REC114: variants seen among roughly 807,000 people sequenced by gnomAD.
REC114 encodes REC114 meiotic recombination protein, also known as meiotic recombination protein REC114.
In REC114, 27 loss-of-function variants were observed where a neutral mutation model predicts 31.3. The ratio of observed to expected loss-of-function variants is 0.86; its 90% CI spans 0.64 to 1.19. REC114 has a LOEUF of 1.19. Among genes scored for constraint, REC114 ranks in the 50% most tolerant of loss-of-function variants. The probability of loss-of-function intolerance (pLI) is 0.00; values close to 1 mark genes in which losing one functional copy is unlikely to be tolerated. For missense variants in REC114, 344 were observed against 326.9 expected (o/e 1.05, Z -0.40); for synonymous variants, 134 against 127.7 (o/e 1.05, Z -0.33).
chr15:73,540,378 G>C, intron 2 of REC114, 107 bp from the exon 3 acceptor site: 1 of 849,836 alleles, frequency 1.2e-6, no homozygotes, highest in Non-Finnish European at 2.0e-6. Flanking sequence ...CTATGTTTGA[G>C]TTACACAATA....
rs539580891 is a variant in REC114, at chr15:73,477,932, C to T, written c.249+4011C>T. Among the ~76,000 whole-genome samples, 3 of 152,068 alleles carry T rather than the reference C, an allele frequency of 2.0e-5. No individual in the cohort carries two copies. The East Asian group carries it at 5.8e-4, about 29-fold the overall frequency. ...GATCTTAGGCAATTTACTTCTGGAA[C>T]CATTGAATTAATTTTAATATATGGT... is the stretch of plus-strand genomic sequence containing the variant. On this transcript the variant is annotated intron_variant, in intron 2 of 5. Coordinates refer to ENST00000331090, the MANE Select transcript of REC114 (RefSeq NM_001042367.2).
intron 2 of REC114, among the ~76,000 whole-genome samples, chr15:73,494,222 T>A (rs1893484896): frequency 6.6e-6 from 1 of 152,194 alleles, no homozygotes; most frequent in Admixed American, 6.5e-5. Flanking sequence ...ATTTTCATTT[T>A]GATAAGATGA....
At chr15:73,485,902 A>G (rs1893358472) in intron 2 of REC114, among the ~76,000 whole-genome samples, 1 of 152,178 alleles carries the variant, frequency 6.6e-6, no homozygotes, top group African/African-American at 2.4e-5. Context: ...ACTGTGATCA[A>G]TTTAATTCCA....
At chr15:73,489,810 A>G (rs1893420774) in intron 2 of REC114, among the ~76,000 whole-genome samples, 1 of 151,592 alleles carries the variant, frequency 6.6e-6, no homozygotes, top group Non-Finnish European at 1.5e-5. Flanking sequence ...CAGTTCCCTT[A>G]TTTGCTTCCT....
intron 1 of REC114, among the ~76,000 whole-genome samples, chr15:73,470,945 T>G (rs899627219): frequency 9.9e-5 from 15 of 152,116 alleles, no homozygotes; most frequent in Non-Finnish European, 1.6e-4. Flanking sequence ...AGGAGGCTAG[T>G]GTGGCTGATG....
At chr15:73,510,409 C>T (rs1893746333) in intron 2 of REC114, among the ~76,000 whole-genome samples, 1 of 151,988 alleles carries the variant, frequency 6.6e-6, no homozygotes, top group East Asian at 1.9e-4. Flanking sequence ...TTGGCTTCCT[C>T]TTTTCCTAAT....
chr15:73,475,927 G>A (rs1893206986), intron 2 of REC114, among the ~76,000 whole-genome samples: 1 of 152,072 alleles, frequency 6.6e-6, no homozygotes, highest in African/African-American at 2.4e-5. Flanking sequence ...AATGTTTACT[G>A]TACCTTCTCT....
chr15:73,514,093 C>G lies in REC114; in HGVS notation c.250-26392C>G, dbSNP rs572425585. Among the ~76,000 whole-genome samples, 6 of 152,102 alleles carry G rather than the reference C, an allele frequency of 3.9e-5. No homozygotes were observed. The East Asian group carries it at 1.2e-3, about 29-fold the overall frequency. ...CTCAGACTGCTGTGCTAGCAATCAGCGAGACTCCGTGGGGTAGGACCCTCC... is the reference window on the plus strand; with the variant it reads ...CTCAGACTGCTGTGCTAGCAATCAGGGAGACTCCGTGGGGTAGGACCCTCC... On this transcript the variant is annotated intron_variant, in intron 2 of 5. Coordinates refer to ENST00000331090, the MANE Select transcript of REC114 (RefSeq NM_001042367.2).
intron 3 of REC114, among the ~76,000 whole-genome samples, chr15:73,543,729 CTG>C (rs1361656513): frequency 6.6e-6 from 1 of 151,976 alleles, no homozygotes; most frequent in Non-Finnish European, 1.5e-5. Context: ...CTTTTATTAA[CTG>C]TTTTTTAATT....
In REC114 at chr15:73,534,931, CAT is replaced by C. The variant is rs879733966; in HGVS notation, c.250-5553_250-5552del. On this transcript the variant is annotated intron_variant, in intron 2 of 5. Transcript: ENST00000331090. ...TAAACAGAGCCAAAGACAAAAACCA[CAT>C]GATTATCTCAATAGATGCAGAAAAA... is the stretch of plus-strand genomic sequence containing the variant. 8.8e-4 allele frequency among the ~76,000 whole-genome samples: 126 copies of C among 143,970 alleles called. 2 individuals are homozygous for C. The highest frequency in any genetic ancestry group is 3.4e-3 in the Middle Eastern group (1 of 292). The allele number at this position is 143,970 out of a possible 152,430, so 94.4% of individuals were successfully genotyped here.
intron 2 of REC114, among the ~76,000 whole-genome samples, chr15:73,480,679 T>C (rs1046009194): frequency 5.3e-5 from 8 of 152,124 alleles, no homozygotes; most frequent in Non-Finnish European, 1.2e-4. Context: ...CATGATACAT[T>C]TTTAGAACTT....
chr15:73,535,380 C>G (rs1004371820), intron 2 of REC114, among the ~76,000 whole-genome samples: 29 of 152,176 alleles, frequency 1.9e-4, no homozygotes, highest in Non-Finnish European at 4.1e-4. Flanking sequence ...TTCTTATACA[C>G]CAGCAACAGA....
At chr15:73,443,441 GAGGGGACACCGAGTGACTGCC>G (rs1255370134) in intron 1 of REC114, 97 bp downstream of exon 1, 2 of 1,362,814 alleles carry the variant, frequency 1.5e-6, no homozygotes, top group African/African-American at 2.9e-5. Context: ...AAGCAATGCC[GAGGGGACACCGAGTGACTGCC>G]AGGCCTGTTG....
chr15:73,499,865 G>T (rs981189858), intron 2 of REC114, among the ~76,000 whole-genome samples: 6 of 152,006 alleles, frequency 3.9e-5, no homozygotes, highest in Admixed American at 3.3e-4. Context: ...GCGTGTTATT[G>T]TATTACTGAC....
At chr15:73,457,719 C>T (rs138764229) in intron 1 of REC114, among the ~76,000 whole-genome samples, 155 of 152,254 alleles carry the variant, frequency 1.0e-3, no homozygotes, top group African/African-American at 3.6e-3. Flanking sequence ...TATGAAATAA[C>T]CTGTTAAGGA....
chr15:73,481,386 A>C (rs915024015), intron 2 of REC114, among the ~76,000 whole-genome samples: 1 of 152,036 alleles, frequency 6.6e-6, no homozygotes, highest in East Asian at 1.9e-4. Flanking sequence ...CCTGCATTCA[A>C]CTGGGGACAT....
At chr15:73,476,101 CTA>C (rs1401450123) in intron 2 of REC114, among the ~76,000 whole-genome samples, 8 of 152,088 alleles carry the variant, frequency 5.3e-5, no homozygotes, top group African/African-American at 1.4e-4. Context: ...TAAGTGTACT[CTA>C]TGATAGTCAC....
At chr15:73,544,908 C>T (rs1365120193) in intron 3 of REC114, among the ~76,000 whole-genome samples, 1 of 152,122 alleles carries the variant, frequency 6.6e-6, no homozygotes, top group African/African-American at 2.4e-5. Flanking sequence ...CGGGAAAACC[C>T]ACTGGGTTTT....
At chr15:73,519,620 C>G (rs1230281989) in intron 2 of REC114, among the ~76,000 whole-genome samples, 2 of 152,232 alleles carry the variant, frequency 1.3e-5, no homozygotes, top group Non-Finnish European at 2.9e-5. Flanking sequence ...AGCAATCCCA[C>G]TTCTGCATCT....
Sources: allele counts gnomAD v4.1 joint callset (sites outside exome capture counted in the v4.1 genomes callset), GRCh38; gene constraint gnomAD v4.1.1; transcripts MANE v1.5; gene names NCBI Gene and HGNC (gene_info 2026-07-23, HGNC 2026-07-21).